DYSF: variants seen among roughly 807,000 people sequenced by gnomAD.
DYSF encodes the protein dysferlin, also known as dystrophy-associated fer-1-like 1.
DYSF carries 212 observed loss-of-function variants against 274.9 expected under a neutral mutation model. That is an observed-to-expected ratio of 0.77 (90% CI 0.69 to 0.86). The LOEUF (loss-of-function observed/expected upper bound fraction) is 0.86. Among genes scored for constraint, DYSF ranks in the 40% least tolerant of loss-of-function variants. DYSF has a pLI of 0.00. For missense variants in DYSF, 2,666 were observed against 2,783.2 expected, an observed-to-expected ratio of 0.96 and a Z score of 0.95; for synonymous variants, 1,091 against 1,078.7, an observed-to-expected ratio of 1.01 and a Z score of -0.22.
intron 20 of DYSF, among the ~76,000 whole-genome samples, chr2:71,553,438 G>A (rs578055655): frequency 2.9e-4 from 44 of 152,294 alleles, no homozygotes; most frequent in Non-Finnish European, 5.4e-4. Flanking sequence ...TCATTTCAAG[G>A]AGTCAGCCAG....
intron 42 of DYSF, among the ~76,000 whole-genome samples, chr2:71,653,033 A>G (rs976491521): frequency 7.9e-5 from 12 of 152,254 alleles, no homozygotes; most frequent in African/African-American, 2.9e-4. Context: ...GGCAGACACT[A>G]TAAAGAAAAA....
At position 71,567,995 on chromosome 2, in the gene DYSF, A is replaced by T; in HGVS notation, c.2610A>T (p.Ile870=). Residue 870 remains isoleucine, a synonymous_variant, in exon 25 of 56, where the codon ATA becomes ATT. Transcript: ENST00000410020. The part of the protein sequence containing the change: ...KVPGARMPVQ[I]RVKLWFGLSV... ...CTGGCGCCCGGATGCCAGTGCAGATACGGGTCAAGCTGTGGTTTGGGCTCT... is the reference window on the plus strand; with the variant it reads ...CTGGCGCCCGGATGCCAGTGCAGATTCGGGTCAAGCTGTGGTTTGGGCTCT... The T allele has an allele frequency of 6.2e-7, 1 of 1,614,064 alleles. No individual in the cohort carries two copies.
chr2:71,678,297 G>A (rs896988887), intron 52 of DYSF, among the ~76,000 whole-genome samples: 5 of 152,016 alleles, frequency 3.3e-5, no homozygotes, highest in African/African-American at 1.2e-4. Context: ...TTCAGATTAT[G>A]CATGTTCAAC....
intron 36 of DYSF, among the ~76,000 whole-genome samples, chr2:71,606,336 T>C (rs907616576): frequency 1.1e-4 from 16 of 151,998 alleles, no homozygotes; most frequent in African/African-American, 3.4e-4. Flanking sequence ...TGCCCTGCAT[T>C]TGAAGGGAGC....
intron 51 of DYSF, among the ~76,000 whole-genome samples, chr2:71,670,183 G>A (rs990291992): frequency 5.3e-5 from 8 of 151,858 alleles, no homozygotes; most frequent in Admixed American, 2.6e-4. Flanking sequence ...CAGCCCTGCC[G>A]CCACCCCATG....
intron 12 of DYSF, among the ~76,000 whole-genome samples, chr2:71,524,833 C>G (rs1200413334): frequency 6.6e-6 from 1 of 152,244 alleles, no homozygotes; most frequent in Middle Eastern, 3.2e-3. Flanking sequence ...AGTATAGTTA[C>G]AAGCCCCCTT....
chr2:71,471,756 G>T lies in DYSF; in HGVS notation c.91+4823G>T, dbSNP rs141868418. Reference sequence around the variant, plus strand: ...AGGCTGAGGTGGGCGGATTGCTTGAGGCCAGGAGTTCCAGGCCAGCCAACA... The same window carrying T: ...AGGCTGAGGTGGGCGGATTGCTTGATGCCAGGAGTTCCAGGCCAGCCAACA... On this transcript the variant is annotated intron_variant, in intron 1 of 55. Transcript: ENST00000410020. 7.7e-3 allele frequency among the ~76,000 whole-genome samples: 1,169 copies of T among 152,198 alleles called. 14 individuals carry two copies. The highest frequency in any genetic ancestry group is 0.027 in the African/African-American group (1,128 of 41,532).
intron 3 of DYSF, among the ~76,000 whole-genome samples, chr2:71,494,617 G>T (rs1030098266): frequency 1.1e-4 from 16 of 152,202 alleles, no homozygotes; most frequent in African/African-American, 3.6e-4. Context: ...TCACAGTGGT[G>T]CTGGCATAAC....
chr2:71,485,060 C>A (rs948780567), intron 3 of DYSF, among the ~76,000 whole-genome samples: 9 of 152,232 alleles, frequency 5.9e-5, no homozygotes, highest in Non-Finnish European at 1.2e-4. Context: ...ATTCACCAAC[C>A]TCACCCGTTT....
At chr2:71,507,213 A>G (rs1373332163) in intron 4 of DYSF, among the ~76,000 whole-genome samples, 3 of 152,044 alleles carry the variant, frequency 2.0e-5, no homozygotes, top group African/African-American at 7.2e-5. Flanking sequence ...GTGTGCAGTG[A>G]GTGGATAGCA....
rs2152941060 is a variant in DYSF, at chr2:71,658,963, C to G, written c.4841C>G (p.Pro1614Arg). Residue 1614 changes from proline (P) to arginine (R), a missense_variant, in exon 44 of 56, where the codon CCC becomes CGC. By Grantham distance (103) the Pro-to-Arg change is moderately radical. Transcript: ENST00000410020. ...RQFHQLAAQG[P>R]QECLVRIYIV... ...TTCCACCAGCTGGCCGCCCAGGGAC[C>G]CCAGGAGTGCTTGGTCCGTATCTAC... 6.8e-6 allele frequency: 11 copies of G among 1,614,154 alleles called. No homozygotes were observed. The highest frequency in any genetic ancestry group is 8.5e-6 in the Non-Finnish European group (10 of 1,180,010).
intron 27 of DYSF, 101 bp from the exon 28 acceptor site, chr2:71,570,128 G>C: frequency 8.4e-7 from 1 of 1,183,590 alleles, no homozygotes; most frequent in Non-Finnish European, 1.3e-6. Flanking sequence ...CCTTCTGTCT[G>C]GGACTTGGAG....
intron 51 of DYSF, among the ~76,000 whole-genome samples, chr2:71,671,890 G>A (rs1410218687): frequency 2.6e-5 from 4 of 152,194 alleles, no homozygotes; most frequent in East Asian, 1.9e-4. Context: ...GACAGGGGTC[G>A]AGGATATGGA....
At position 71,613,244 on chromosome 2, in the gene DYSF, T is replaced by C. The variant is rs570937392; in HGVS notation, c.4388-90T>C. On this transcript the variant is annotated intron_variant, in intron 39 of 55. Transcript: ENST00000410020. ...AATGTGGAGAGACTGCAGGGTCTTG[T>C]CTTGGTCCCTTGGTTGAGCCCTGGG... 3.4e-6 allele frequency: 4 copies of C among 1,166,178 alleles called. No homozygotes were observed. In the African/African-American group the frequency reaches 4.5e-5, roughly 13 times the overall value. The allele number at this position is 1,166,178 out of a possible 1,614,324, so 72.2% of individuals were successfully genotyped here. A position where few individuals can be genotyped will look rare whatever the true frequency, so the allele number is the denominator to read the frequency against.
At chr2:71,539,298 A>C in intron 17 of DYSF, 59 bp downstream of exon 17, 3 of 1,436,356 alleles carry the variant, frequency 2.1e-6, no homozygotes, top group Non-Finnish European at 2.9e-6. Context: ...TACCCCCTCT[A>C]TCCAGCTTAC....
Position 71,613,326 on chromosome 2 carries a change from C to T in DYSF, c.4388-8C>T, listed in dbSNP as rs746630105. On this transcript the variant is annotated splice_region_variant and splice_polypyrimidine_tract_variant and intron_variant, in intron 39 of 55. Coordinates refer to ENST00000410020, the MANE Select transcript of DYSF (RefSeq NM_001130987.2). The stretch of plus-strand genomic sequence containing the variant: ...CCTCTCAGGCCTGGATGGCTCCCTC[C>T]CCTGCAGACGATGTGAGCCTACTCA... 12 of 1,611,438 alleles carry T rather than the reference C, an allele frequency of 7.4e-6. No individual in the cohort carries two copies. In the South Asian group the frequency reaches 1.2e-4, roughly 16 times the overall value.
At chr2:71,581,700 C>T (rs1227898970) in intron 30 of DYSF, among the ~76,000 whole-genome samples, 1 of 152,196 alleles carries the variant, frequency 6.6e-6, no homozygotes, top group Non-Finnish European at 1.5e-5. Context: ...CTGTGTAGCC[C>T]CAGGGAAGAC....
chr2:71,576,735 G>A (rs763034692), intron 30 of DYSF, among the ~76,000 whole-genome samples: 8 of 152,200 alleles, frequency 5.3e-5, no homozygotes, highest in African/African-American at 1.4e-4. Context: ...CTGGAGACAC[G>A]TGGACAAAGC....
intron 33 of DYSF, 70 bp downstream of exon 33, chr2:71,598,815 G>C (rs2093470079): frequency 3.8e-6 from 6 of 1,577,268 alleles, no homozygotes; most frequent in Middle Eastern, 1.7e-4. Flanking sequence ...GGTCTCCAGG[G>C]ACTCGTGGCT....
Sources: allele counts gnomAD v4.1 joint callset (sites outside exome capture counted in the v4.1 genomes callset), GRCh38; gene constraint gnomAD v4.1.1; transcripts MANE v1.5; gene names NCBI Gene and HGNC (gene_info 2026-07-23, HGNC 2026-07-21).